MYO16: variants seen among roughly 807,000 people sequenced by gnomAD.
MYO16 encodes unconventional myosin-XVI.
Under a neutral mutation model 205.3 loss-of-function variants are expected in MYO16, and 94 were observed. The observed-to-expected ratio is 0.46, with a 90% confidence interval of 0.39 to 0.54. The LOEUF (loss-of-function observed/expected upper bound fraction) is 0.54. Ranked by LOEUF, MYO16 falls within the 20% of genes least tolerant of loss-of-function variation. MYO16 has a pLI of 0.00. For missense variants in MYO16, 2,315 were observed against 2,387.5 expected, an observed-to-expected ratio of 0.97 and a Z score of 0.63; for synonymous variants, 988 against 954.0, an observed-to-expected ratio of 1.04 and a Z score of -0.66.
chr13:108,633,407 G>A (rs1012358746), intron 1 of MYO16, among the ~76,000 whole-genome samples: 9 of 152,162 alleles, frequency 5.9e-5, no homozygotes, highest in African/African-American at 2.2e-4. Context: ...TCCAAAAGCG[G>A]AAGAACTTGG....
At chr13:108,687,779 T>A (rs1356624915) in intron 2 of MYO16, among the ~76,000 whole-genome samples, 2 of 152,182 alleles carry the variant, frequency 1.3e-5, no homozygotes, top group African/African-American at 4.8e-5. Context: ...CCTTTCCCAA[T>A]AAATAAATCC....
At chr13:108,803,188 G>T (rs944672794) in intron 6 of MYO16, among the ~76,000 whole-genome samples, 1 of 152,154 alleles carries the variant, frequency 6.6e-6, no homozygotes. Flanking sequence ...GAAACCAGGC[G>T]GGGCCATCTT....
chr13:108,607,305 T>C (rs769376619), intron 1 of MYO16, among the ~76,000 whole-genome samples: 1 of 152,166 alleles, frequency 6.6e-6, no homozygotes, highest in African/African-American at 2.4e-5. Flanking sequence ...GGTCTGGCTA[T>C]GTGTCCCCAC....
At chr13:108,737,104 C>G (rs1273783832) in intron 4 of MYO16, among the ~76,000 whole-genome samples, 1 of 152,156 alleles carries the variant, frequency 6.6e-6, no homozygotes, top group East Asian at 1.9e-4. Context: ...TTGACTTCCT[C>G]TTTTCCTAAT....
chr13:108,721,257 C>T (rs982711922), intron 3 of MYO16, among the ~76,000 whole-genome samples: 1 of 152,170 alleles, frequency 6.6e-6, no homozygotes, highest in Admixed American at 6.5e-5. Flanking sequence ...TTGAGGAAGG[C>T]CTTGCTCTCT....
At position 108,961,628 on chromosome 13, in the gene MYO16, C is replaced by G. The variant is rs762089834; in HGVS notation, c.2127C>G (p.Phe709Leu). The G allele has an allele frequency of 5.6e-6, 9 of 1,613,954 alleles. No individual in the cohort carries two copies. Among genetic ancestry groups the G allele is most frequent in the Middle Eastern group, 1.6e-4 (1 of 6,062 alleles). ...CCCTGAATGAGGGGAACTCCGCCTT[C>G]GTTTCTGACCTCCAGCTCCTGGAAC... The part of the protein sequence containing the change: ...FTALNEGNSA[F>L]VSDLQLLEQV... The change falls in exon 18 of 35, where the codon TTC (phenylalanine) becomes TTG (leucine). Residue 709 changes from phenylalanine (F) to leucine (L), a missense_variant. This residue lies in a region of MYO16 where 1,213 missense variants were observed against 1,274.4 expected (regional missense o/e 0.95). Transcript: ENST00000457511.
the MYO16 span, among the ~76,000 whole-genome samples, chr13:108,535,246 A>G: frequency 6.6e-6 from 1 of 152,170 alleles, no homozygotes; most frequent in African/African-American, 2.4e-5. Flanking sequence ...ATTCACTTGT[A>G]TTACTTAAGT....
At chr13:108,869,600 G>A (rs1322949584) in intron 12 of MYO16, among the ~76,000 whole-genome samples, 1 of 150,070 alleles carries the variant, frequency 6.7e-6, no homozygotes, top group Non-Finnish European at 1.5e-5. Context: ...GCGTCGTGGC[G>A]GGCGTCTGTA....
chr13:109,083,407 A>C (rs1888341751), intron 27 of MYO16, among the ~76,000 whole-genome samples: 1 of 137,138 alleles, frequency 7.3e-6, no homozygotes, highest in African/African-American at 2.6e-5. Flanking sequence ...AAAAAAAAAA[A>C]AAAAAAAAAA....
chr13:108,548,699 A>G, the MYO16 span, among the ~76,000 whole-genome samples: 1 of 152,000 alleles, frequency 6.6e-6, no homozygotes, highest in African/African-American at 2.4e-5. Context: ...AATGATGATG[A>G]TTATGATGAT....
chr13:108,999,019 G>T (rs1306782762), intron 21 of MYO16, among the ~76,000 whole-genome samples: 1 of 152,208 alleles, frequency 6.6e-6, no homozygotes, highest in Non-Finnish European at 1.5e-5. Flanking sequence ...CAGGTTCAGA[G>T]AGGTGGGTAA....
chr13:109,109,383 T>A (rs1232520656), intron 28 of MYO16, among the ~76,000 whole-genome samples: 1 of 152,192 alleles, frequency 6.6e-6, no homozygotes, highest in East Asian at 1.9e-4. Context: ...TGTGTCAAAG[T>A]GCAGCATTCT....
intron 4 of MYO16, among the ~76,000 whole-genome samples, chr13:108,757,217 G>A (rs932890534): frequency 2.0e-5 from 3 of 152,156 alleles, no homozygotes; most frequent in African/African-American, 4.8e-5. Context: ...GATATTTATT[G>A]CAGGAAAATT....
intron 5 of MYO16, among the ~76,000 whole-genome samples, chr13:108,788,604 C>G (rs1886526470): frequency 6.6e-6 from 1 of 151,914 alleles, no homozygotes; most frequent in Admixed American, 6.6e-5. Flanking sequence ...TTTCTTCTTT[C>G]AAACCCATTC....
At chr13:108,955,494 C>T (rs994830689) in intron 16 of MYO16, among the ~76,000 whole-genome samples, 2 of 152,186 alleles carry the variant, frequency 1.3e-5, no homozygotes, top group African/African-American at 4.8e-5. Context: ...GGAAACATTC[C>T]CTTTGTCAAG....
At chr13:108,921,226 A>G (rs1881733423) in intron 16 of MYO16, among the ~76,000 whole-genome samples, 1 of 152,096 alleles carries the variant, frequency 6.6e-6, no homozygotes, top group Non-Finnish European at 1.5e-5. Flanking sequence ...ACCCCAAGCC[A>G]CCTTGTCCAC....
intron 16 of MYO16, among the ~76,000 whole-genome samples, chr13:108,953,350 G>A (rs1883226718): frequency 6.6e-6 from 1 of 152,148 alleles, no homozygotes; most frequent in African/African-American, 2.4e-5. Flanking sequence ...AGAGTACATT[G>A]ACTAAAAGTT....
chr13:108,733,906 C>T (rs998125924), intron 4 of MYO16, among the ~76,000 whole-genome samples: 3 of 152,024 alleles, frequency 2.0e-5, no homozygotes, highest in South Asian at 2.1e-4. Context: ...GAGGCGGAGC[C>T]TGCAGTGAGC....
At chr13:108,819,931 T>C (rs1875872896) in intron 7 of MYO16, among the ~76,000 whole-genome samples, 1 of 152,192 alleles carries the variant, frequency 6.6e-6, no homozygotes, top group Admixed American at 6.5e-5. Flanking sequence ...CACTGTCCTG[T>C]TGTACTTTGT....
Sources: allele counts gnomAD v4.1 joint callset (sites outside exome capture counted in the v4.1 genomes callset), GRCh38; gene constraint gnomAD v4.1.1; regional missense constraint gnomAD v4.1.1; transcripts MANE v1.5; gene names NCBI Gene and HGNC (gene_info 2026-07-23, HGNC 2026-07-21).